Variants in STK3 observed in about 807,000 individuals in gnomAD.
STK3 encodes serine/threonine kinase 3.
In STK3, 41 loss-of-function variants were observed where a neutral mutation model predicts 58.0. The observed-to-expected ratio is 0.71, with a 90% CI of 0.55 to 0.92. STK3 has a LOEUF of 0.92. STK3 is among the 40% of genes least tolerant of loss of function. The pLI is 0.00. For synonymous variants in STK3, 170 were observed against 191.0 expected (o/e 0.89, Z 0.91); for missense variants, 479 against 602.7 (o/e 0.79, Z 2.15).
chr8:98,748,878 T>G (rs1297905596), intron 4 of STK3, among the ~76,000 whole-genome samples: 2 of 151,878 alleles, frequency 1.3e-5, no homozygotes. Flanking sequence ...TCTTCAAATA[T>G]TCCAGCCATA....
rs1425991740 is a variant in STK3, at chr8:98,772,421, G to A, written c.107+2318C>T. On this transcript the variant is annotated intron_variant, in intron 2 of 10. Transcript: ENST00000419617. ...CTTATTTAAAGCGGTGTGGCAGGCC[G>A]GGTGCAGTGGCTCGTGCCTGTCATC... 9.2e-5 allele frequency among the ~76,000 whole-genome samples: 14 copies of A among 152,204 alleles called. 1 individual carries two copies. The highest frequency in any genetic ancestry group is 2.4e-4 in the African/African-American group (10 of 41,532).
intron 3 of STK3, among the ~76,000 whole-genome samples, chr8:98,855,603 A>T (rs1836637771): frequency 6.6e-6 from 1 of 152,236 alleles, no homozygotes; most frequent in Non-Finnish European, 1.5e-5. Flanking sequence ...GGATTCAGCC[A>T]TAGCTTCTTA....
intron 10 of STK3, among the ~76,000 whole-genome samples, chr8:98,465,405 G>T (rs1820387673): frequency 6.6e-6 from 1 of 152,116 alleles, no homozygotes; most frequent in Admixed American, 6.6e-5. Flanking sequence ...TTGTTTATAG[G>T]TTAAAAATAG....
At chr8:98,788,987 T>C (rs1832644338) in intron 1 of STK3, among the ~76,000 whole-genome samples, 1 of 152,052 alleles carries the variant, frequency 6.6e-6, no homozygotes, top group African/African-American at 2.4e-5. Flanking sequence ...TGGAACTTTC[T>C]CCAAGATAGA....
chr8:98,618,171 A>G (rs1243719971), intron 6 of STK3, among the ~76,000 whole-genome samples: 1 of 151,986 alleles, frequency 6.6e-6, no homozygotes. Flanking sequence ...ACAGAAATCA[A>G]TAAATGTAAT....
intron 6 of STK3, among the ~76,000 whole-genome samples, chr8:98,640,335 C>T (rs912874165): frequency 6.6e-6 from 1 of 152,148 alleles, no homozygotes; most frequent in African/African-American, 2.4e-5. Context: ...CAGGCTTGAG[C>T]AACTGTGCCT....
At chr8:98,824,131 CAT>C (rs1171383346) in intron 1 of STK3, among the ~76,000 whole-genome samples, 2 of 152,204 alleles carry the variant, frequency 1.3e-5, no homozygotes, top group African/African-American at 4.8e-5. Flanking sequence ...ATTGCTGTCA[CAT>C]ATCTTTCGCC....
intron 3 of STK3, among the ~76,000 whole-genome samples, chr8:98,855,723 G>A (rs1426745002): frequency 6.6e-6 from 1 of 152,030 alleles, no homozygotes; most frequent in African/African-American, 2.4e-5. Flanking sequence ...TATAAAGGAG[G>A]CTTTCAGGCT....
At chr8:98,851,533 T>C (rs1046941324) in intron 3 of STK3, among the ~76,000 whole-genome samples, 1 of 152,174 alleles carries the variant, frequency 6.6e-6, no homozygotes, top group African/African-American at 2.4e-5. Flanking sequence ...AGTATGAAAC[T>C]GCATTTTTGT....
At chr8:98,555,369 A>C (rs1811514114) in intron 8 of STK3, among the ~76,000 whole-genome samples, 1 of 152,154 alleles carries the variant, frequency 6.6e-6, no homozygotes, top group South Asian at 2.1e-4. Flanking sequence ...TTTAGAATAT[A>C]AAATTGTTTC....
At chr8:98,941,969 G>A (rs963946556) in intron 1 of STK3, among the ~76,000 whole-genome samples, 1 of 152,220 alleles carries the variant, frequency 6.6e-6, no homozygotes, top group Non-Finnish European at 1.5e-5. Context: ...AGCCTCGGGG[G>A]CACAGCCGGG....
intron 6 of STK3, chr8:98,633,443 C>A: frequency 2.0e-6 from 1 of 508,718 alleles, no homozygotes; most frequent in Non-Finnish European, 3.6e-6. Flanking sequence ...ATTGAGACTG[C>A]AGATTATTAA....
intron 6 of STK3, among the ~76,000 whole-genome samples, chr8:98,652,225 C>T (rs1563849337): frequency 6.6e-6 from 1 of 152,134 alleles, no homozygotes; most frequent in Non-Finnish European, 1.5e-5. Flanking sequence ...CATATCCAGC[C>T]AAACTAAGCT....
intron 3 of STK3, among the ~76,000 whole-genome samples, chr8:98,830,991 A>AG (rs1835514435): frequency 2.0e-5 from 3 of 150,748 alleles, no homozygotes; most frequent in Admixed American, 2.0e-4. Flanking sequence ...AAAAAAAAAA[A>AG]GGAAAGTAAG....
intron 6 of STK3, among the ~76,000 whole-genome samples, chr8:98,688,177 C>G (rs1824146601): frequency 1.3e-5 from 2 of 152,074 alleles, no homozygotes; most frequent in South Asian, 4.1e-4. Context: ...CAAAAAAGAG[C>G]ATTATATAAT....
chr8:98,614,820 T>C (rs990657906), intron 6 of STK3, among the ~76,000 whole-genome samples: 25 of 151,976 alleles, frequency 1.6e-4, no homozygotes, highest in Non-Finnish European at 3.2e-4. Flanking sequence ...ACCCACAGAA[T>C]CTCGCTGATT....
In STK3 at chr8:98,893,486, GA is replaced by G. The variant is rs1838312363; in HGVS notation, c.-78-9653del. 4.1e-3 allele frequency among the ~76,000 whole-genome samples: 177 copies of G among 43,014 alleles called. 1 individual carries two copies. Among genetic ancestry groups the G allele is most frequent in the Non-Finnish European group, 6.1e-3 (143 of 23,282 alleles). The allele number at this position is 43,014 out of a possible 152,430, so 28.2% of individuals were successfully genotyped here. ...AGAAAGAAAGAAAGAAAGAAAGAAA[GA>G]GAAAGAAAGAAAGAAAGAAAGAAAG... is the stretch of plus-strand genomic sequence containing the variant. On this transcript the variant is annotated intron_variant, in intron 1 of 1. Transcript: ENST00000519420.
intron 6 of STK3, among the ~76,000 whole-genome samples, chr8:98,643,347 G>A (rs1263251018): frequency 6.6e-6 from 1 of 152,090 alleles, no homozygotes; most frequent in African/African-American, 2.4e-5. Flanking sequence ...GCTCACTCCA[G>A]CCACACTGGC....
At chr8:98,397,714 G>A (rs1168467777), downstream of STK3, among the ~76,000 whole-genome samples, 1 of 152,060 alleles carries the variant, frequency 6.6e-6, no homozygotes, top group Non-Finnish European at 1.5e-5. Flanking sequence ...TGTTGAAGGA[G>A]GAACCTGGAG....
Sources: gnomAD v4.1 joint callset for allele counts (sites outside exome capture counted in the v4.1 genomes callset) on GRCh38, gnomAD v4.1.1 for gene constraint, MANE v1.5 for transcripts, NCBI Gene and HGNC (gene_info 2026-07-23, HGNC 2026-07-21) for gene names.